ILRUN: variants seen among roughly 807,000 people sequenced by gnomAD.
ILRUN encodes the protein protein ILRUN.
Under a neutral mutation model 33.8 loss-of-function variants are expected in ILRUN, and 3 were observed. The ratio of observed to expected loss-of-function variants is 0.09; its 90% CI spans 0.04 to 0.23. The LOEUF (loss-of-function observed/expected upper bound fraction) is 0.23, where lower values mean the gene tolerates loss of function less well. ILRUN is among the 10% of genes least tolerant of loss of function. ILRUN has a pLI of 1.00. For synonymous variants in ILRUN, 124 were observed against 138.9 expected, an observed-to-expected ratio of 0.89 and a Z score of 0.75; for missense variants, 210 against 375.1, an observed-to-expected ratio of 0.56 and a Z score of 3.64.
intron 2 of ILRUN, among the ~76,000 whole-genome samples, chr6:34,647,965 C>T (rs1301923390): frequency 6.6e-6 from 1 of 152,224 alleles, no homozygotes; most frequent in African/African-American, 2.4e-5. Flanking sequence ...TCCCAAAGTG[C>T]TGGGATTACA....
At position 34,628,988 on chromosome 6, in the gene ILRUN, G is replaced by A. The variant is rs530379318; in HGVS notation, c.511+17613C>T. On this transcript the variant is annotated intron_variant, in intron 3 of 4. Coordinates refer to ENST00000374023, the MANE Select transcript of ILRUN (RefSeq NM_024294.4). The stretch of plus-strand genomic sequence containing the variant: ...TAGCCAGGTGTGGTGACACATGCCT[G>A]TAGTCCCAGCTACTTGGGAGGCTGA... Among the ~76,000 whole-genome samples the A allele has an allele frequency of 3.9e-5, 6 of 152,284 alleles. No homozygotes were observed. The South Asian group carries it at 1.2e-3, about 32-fold the overall frequency.
chr6:34,686,145 A>G (rs1763511538), intron 1 of ILRUN, among the ~76,000 whole-genome samples: 1 of 152,202 alleles, frequency 6.6e-6, no homozygotes, highest in East Asian at 1.9e-4. Flanking sequence ...GACAGCCTAC[A>G]GAATGGGAGA....
At chr6:34,637,681 C>T (rs994222268) in intron 3 of ILRUN, among the ~76,000 whole-genome samples, 2 of 152,222 alleles carry the variant, frequency 1.3e-5, no homozygotes, top group East Asian at 3.8e-4. Context: ...TGATGCTTTA[C>T]TGCCTAGACA....
chr6:34,655,352 T>C (rs1562020108), intron 1 of ILRUN, among the ~76,000 whole-genome samples: 1 of 152,188 alleles, frequency 6.6e-6, no homozygotes. Context: ...TTCCTCAACA[T>C]ACACACACAG....
At chr6:34,614,698 G>T (rs1372874654) in intron 3 of ILRUN, among the ~76,000 whole-genome samples, 1 of 151,626 alleles carries the variant, frequency 6.6e-6, no homozygotes, top group Non-Finnish European at 1.5e-5. Context: ...CCAAAAAATT[G>T]TATAGGGAGA....
chr6:34,601,707 C>CCA (rs1554182767), intron 4 of ILRUN, among the ~76,000 whole-genome samples: 48 of 151,630 alleles, frequency 3.2e-4, no homozygotes, highest in African/African-American at 1.1e-3. Context: ...CAGTACCCGC[C>CCA]CCCCCAACTA....
rs200840957 is a variant in ILRUN, at chr6:34,677,947, CAAAAAAAAAAAA to C, written c.158+18487_158+18498del. On this transcript the variant is annotated intron_variant, in intron 1 of 4. Coordinates refer to ENST00000374023, the MANE Select transcript of ILRUN (RefSeq NM_024294.4). ...GTGAGTGACAGTGAGATCCTGCCTCCAAAAAAAAAAAAAAAAAAAAAAGTGTTGCGATTACAG... is the reference window on the plus strand; with the variant it reads ...GTGAGTGACAGTGAGATCCTGCCTCCAAAAAAAAAAGTGTTGCGATTACAG... 5.9e-4 allele frequency among the ~76,000 whole-genome samples: 44 copies of C among 74,354 alleles called. No individual in the cohort carries two copies. The East Asian group carries it at 0.011, about 18-fold the overall frequency. 48.8% of individuals were successfully genotyped at this position (74,354 alleles called of 152,430 possible). A position where few individuals can be genotyped will look rare whatever the true frequency, so the allele number is the denominator to read the frequency against.
intron 4 of ILRUN, among the ~76,000 whole-genome samples, chr6:34,600,026 C>T (rs1761476162): frequency 6.6e-6 from 1 of 152,222 alleles, no homozygotes; most frequent in Admixed American, 6.5e-5. Flanking sequence ...CTGATCTGAA[C>T]CACTCTTACT....
chr6:34,676,264 C>A (rs1292708560), intron 1 of ILRUN, among the ~76,000 whole-genome samples: 1 of 151,484 alleles, frequency 6.6e-6, no homozygotes, highest in Non-Finnish European at 1.5e-5. Context: ...CTGGGCATGG[C>A]AGCACATTCC....
chr6:34,594,245 A>G (rs1582028266), intron 4 of ILRUN, among the ~76,000 whole-genome samples: 1 of 152,344 alleles, frequency 6.6e-6, no homozygotes, highest in South Asian at 2.1e-4. Flanking sequence ...TATGCATTAG[A>G]TGGTACCACA....
rs1381071460 is a variant in ILRUN, at chr6:34,601,035, G to T, written c.861+5520C>A. 2.6e-5 allele frequency among the ~76,000 whole-genome samples: 4 copies of T among 152,090 alleles called. No homozygotes were observed. In the East Asian group the frequency reaches 7.7e-4, roughly 29 times the overall value. On this transcript the variant is annotated intron_variant, in intron 4 of 4. Coordinates refer to ENST00000374023, the MANE Select transcript of ILRUN (RefSeq NM_024294.4). ...GTGATAATAACAATACTTTTATCATGGTACTGTTTGTGGACTACATGAAGT... is the reference window on the plus strand; with the variant it reads ...GTGATAATAACAATACTTTTATCATTGTACTGTTTGTGGACTACATGAAGT...
chr6:34,672,438 G>A (rs574988450), intron 1 of ILRUN, among the ~76,000 whole-genome samples: 4 of 152,134 alleles, frequency 2.6e-5, no homozygotes, highest in Admixed American at 2.0e-4. Context: ...GTAGTGGGCC[G>A]GGTGTGGTGG....
At chr6:34,630,872 T>C (rs1008483421) in intron 3 of ILRUN, among the ~76,000 whole-genome samples, 2 of 152,242 alleles carry the variant, frequency 1.3e-5, no homozygotes, top group African/African-American at 2.4e-5. Flanking sequence ...TCTACTGACA[T>C]ATCCACAAGC....
chr6:34,661,017 A>G (rs1216355929), intron 1 of ILRUN, among the ~76,000 whole-genome samples: 2 of 152,230 alleles, frequency 1.3e-5, no homozygotes, highest in African/African-American at 4.8e-5. Flanking sequence ...CACTTCTTAG[A>G]GCCCTATGGC....
chr6:34,633,438 C>A (rs1483609930), intron 3 of ILRUN, among the ~76,000 whole-genome samples: 1 of 152,142 alleles, frequency 6.6e-6, no homozygotes, highest in Admixed American at 6.5e-5. Flanking sequence ...CCAACTGGAT[C>A]GAACTGACAT....
chr6:34,621,898 A>T (rs1189691332), intron 3 of ILRUN, among the ~76,000 whole-genome samples: 1 of 152,102 alleles, frequency 6.6e-6, no homozygotes, highest in Non-Finnish European at 1.5e-5. Context: ...AGAAAGACAG[A>T]CATATTAAGA....
chr6:34,612,215 ACCAGCC>A (rs1761771417), intron 3 of ILRUN, among the ~76,000 whole-genome samples: 1 of 84,626 alleles, frequency 1.2e-5, no homozygotes, highest in Non-Finnish European at 2.6e-5. Flanking sequence ...GGAGTTTGCG[ACCAGCC>A]TATGGCAACA....
chr6:34,637,956 G>A (rs546720374), intron 3 of ILRUN, among the ~76,000 whole-genome samples: 35 of 151,764 alleles, frequency 2.3e-4, no homozygotes, highest in Non-Finnish European at 2.5e-4. Flanking sequence ...GAGTGATCTC[G>A]GCTCACTGCA....
intron 3 of ILRUN, among the ~76,000 whole-genome samples, chr6:34,614,443 A>AAAAATATATAT (rs71000073): frequency 2.5e-4 from 34 of 133,578 alleles, no homozygotes; most frequent in Middle Eastern, 3.7e-3. Context: ...AAAAAAAAAA[A>AAAAATATATAT]ATATATATAT....
Sources: allele counts gnomAD v4.1 joint callset (sites outside exome capture counted in the v4.1 genomes callset), GRCh38; gene constraint gnomAD v4.1.1; transcripts MANE v1.5; gene names NCBI Gene and HGNC (gene_info 2026-07-23, HGNC 2026-07-21).